Variants in TOP3B observed in about 807,000 individuals in gnomAD.
TOP3B encodes DNA topoisomerase 3-beta-1.
TOP3B carries 45 observed loss-of-function variants against 93.9 expected under a neutral mutation model. The ratio of observed to expected loss-of-function variants is 0.48; its 90% CI spans 0.38 to 0.61. TOP3B has a LOEUF of 0.61. TOP3B is among the 20% of genes least tolerant of loss of function. The probability of loss-of-function intolerance (pLI) is 0.00; values close to 1 mark genes in which losing one functional copy is unlikely to be tolerated. For synonymous variants in TOP3B, 357 were observed against 472.6 expected, an observed-to-expected ratio of 0.76 and a Z score of 3.17; for missense variants, 750 against 1,156.1, an observed-to-expected ratio of 0.65 and a Z score of 5.09.
chr22:21,968,598 G>A, intron 7 of TOP3B, 21 bp downstream of exon 7: 1 of 1,613,298 alleles, frequency 6.2e-7, no homozygotes, highest in Non-Finnish European at 8.5e-7. Context: ...GCCCCAGCAT[G>A]AATAGAGAAA....
At position 21,957,349 on chromosome 22, in the gene TOP3B, T is replaced by TTTG. The variant is rs1289234446; in HGVS notation, c.2353_2354insCAA (p.Asn784_Lys785insThr). 6.2e-7 allele frequency: 1 copy of TTTG among 1,610,772 alleles called. No homozygotes were observed. Among genetic ancestry groups the TTTG allele is most frequent in the East Asian group, 2.2e-5 (1 of 44,808 alleles). On this transcript the variant is annotated inframe_insertion, in exon 18 of 18. Transcript: ENST00000357179. ...ATCGCCCGGGAGTGGGGACTTGGCC[T>TTTG]TGTTGAAGTCCACATCAAGCAAGGC...
intron 6 of TOP3B, chr22:21,969,552 G>C (rs1261717699): frequency 6.6e-6 from 1 of 152,186 alleles, no homozygotes; most frequent in African/African-American, 2.4e-5. Context: ...AGTGAGCTGA[G>C]ATTGTGCCAC....
rs762475632 is a variant in TOP3B at position 21,962,820 on chromosome 22, G to A, written c.1278C>T (p.Tyr426=). The change falls in exon 12 of 18, where the codon TAC becomes TAT. Residue 426 remains tyrosine, a synonymous_variant. Transcript: ENST00000357179. ...TTCTGAAGGAGATGGTGCTCTGCAG[G>A]TACTTGCAGTCATGGCTGACCGTGG... The part of the protein sequence containing the change: ...FIATVSHDCK[Y]LQSTISFRIG... 2 of 1,614,030 alleles carry A rather than the reference G, an allele frequency of 1.2e-6. No homozygotes were observed. Among genetic ancestry groups the A allele is most frequent in the East Asian group, 4.5e-5 (2 of 44,886 alleles).
chr22:21,959,175 A>G lies in TOP3B; in HGVS notation c.1862T>C (p.Leu621Pro). Residue 621 changes from leucine (L) to proline (P), a missense_variant, in exon 16 of 18, where the codon CTC (leucine) becomes CCC (proline). By Grantham distance (98) the Leu-to-Pro change is moderately conservative (BLOSUM62 -3). Transcript: ENST00000357179. ...GCGGTGGCACTTCCCACAGCGTGAGAGGGGCTTGCCTGTGGCCGCCAGGGG... is the reference window on the plus strand; with the variant it reads ...GCGGTGGCACTTCCCACAGCGTGAGGGGGGCTTGCCTGTGGCCGCCAGGGG... ...FSPLAATGKP[L>P]SRCGKCHRFM... 1.2e-6 allele frequency: 2 copies of G among 1,613,796 alleles called. No individual in the cohort carries two copies. The highest frequency in any genetic ancestry group is 1.7e-6 in the Non-Finnish European group (2 of 1,179,980).
chr22:21,972,677 A>G lies in TOP3B; in HGVS notation c.244T>C (p.Phe82Leu), dbSNP rs1166050975. 6.8e-6 allele frequency: 11 copies of G among 1,613,514 alleles called. No homozygotes were observed. Among genetic ancestry groups the G allele is most frequent in the African/African-American group, 1.3e-5 (1 of 74,826 alleles). Reference protein sequence around the residue: ...KWDKVDPAELFSQAPTEKKEA... With the variant: ...KWDKVDPAELLSQAPTEKKEA... ...TTCTTCTCCGTGGGAGCTTGGCTGAACAGTTCTGCGGGGTCCACTTTGTCC... is the reference window on the plus strand; with the variant it reads ...TTCTTCTCCGTGGGAGCTTGGCTGAGCAGTTCTGCGGGGTCCACTTTGTCC... The change falls in exon 4 of 18, where the codon TTC becomes CTC. Residue 82 changes from phenylalanine to leucine, a missense_variant. Coordinates refer to ENST00000357179, the MANE Select transcript of TOP3B (RefSeq NM_001282112.2).
chr22:21,970,091 CCCTGTTGCTCATCCTGG>C lies in TOP3B; in HGVS notation c.581+102_581+118del. 8.8e-7 allele frequency: 1 copy of C among 1,140,398 alleles called. No individual in the cohort carries two copies. Among genetic ancestry groups the C allele is most frequent in the Non-Finnish European group, 1.2e-6 (1 of 809,178 alleles). The allele number at this position is 1,140,398 out of a possible 1,614,324, so 70.6% of individuals were successfully genotyped here. A position where few individuals can be genotyped will look rare whatever the true frequency, so the allele number is the denominator to read the frequency against. ...GGCCTTCTTCAGGGTTGGTGAAATCCCCTGTTGCTCATCCTGGCTCGAGGAGGCCTAGGGGCCCCGGA... is the reference window on the plus strand; with the variant it reads ...GGCCTTCTTCAGGGTTGGTGAAATCCCTCGAGGAGGCCTAGGGGCCCCGGA... On this transcript the variant is annotated intron_variant, in intron 6 of 17. Coordinates refer to ENST00000357179, the MANE Select transcript of TOP3B (RefSeq NM_001282112.2). The surrounding 1 kb of genome is among the most constrained non-coding windows in gnomAD (Gnocchi z 4.4).
intron 17 of TOP3B, chr22:21,958,186 G>A (rs369658668): frequency 7.8e-7 from 1 of 1,286,588 alleles, no homozygotes; most frequent in South Asian, 1.5e-5. Context: ...CGCTCACCGG[G>A]TGGGTCCCCC....
chr22:21,958,393 G>A (rs763390947), intron 17 of TOP3B, 99 bp downstream of exon 17: 4 of 1,586,898 alleles, frequency 2.5e-6, no homozygotes, highest in Non-Finnish European at 3.4e-6. Context: ...AAAGGCCAGG[G>A]TGAGGGGTCC....
intron 1 of TOP3B, chr22:21,976,417 A>C (rs1418262791): frequency 6.6e-6 from 1 of 152,288 alleles, no homozygotes; most frequent in Non-Finnish European, 1.5e-5. Flanking sequence ...TTTGCAGGTC[A>C]TGCTCTGGCC....
chr22:21,958,465 T>C, intron 17 of TOP3B, 27 bp downstream of exon 17: 1 of 1,613,546 alleles, frequency 6.2e-7, no homozygotes, highest in South Asian at 1.1e-5. Flanking sequence ...CAGCTACCTG[T>C]GGACAGGAGG....
At chr22:21,980,625 G>A (rs1255497449) in intron 1 of TOP3B, among the ~76,000 whole-genome samples, 11 of 152,212 alleles carry the variant, frequency 7.2e-5, no homozygotes. Flanking sequence ...TGAAAGAGCC[G>A]AGGCCTTGTG....
chr22:21,972,870 C>G (rs2071700348), intron 3 of TOP3B, 152 bp from the exon 4 acceptor site: 2 of 646,528 alleles, frequency 3.1e-6, no homozygotes, highest in East Asian at 3.5e-5. Context: ...AGAGGCAGAG[C>G]CAGGATGTGG....
At chr22:21,972,749 C>T in intron 3 of TOP3B, 31 bp from the exon 4 acceptor site, 1 of 1,569,756 alleles carries the variant, frequency 6.4e-7, no homozygotes, top group Non-Finnish European at 8.8e-7. Context: ...CATTGAGTCA[C>T]AGGAGCTCAG....
rs1168407265 is a variant in TOP3B, at chr22:21,971,123, G to A, written c.385-717C>T. On this transcript the variant is annotated intron_variant, in intron 5 of 17. Transcript: ENST00000357179. This position sits in a 1 kb window ranked among gnomAD's most constrained non-coding sequence, Gnocchi z 4.6. Reference sequence around the variant, plus strand: ...CCATTCCCAGATGCAAAGGCCCCCAGGGAGGAGCCGCCCTGCAGGGGAGGA... The same window carrying A: ...CCATTCCCAGATGCAAAGGCCCCCAAGGAGGAGCCGCCCTGCAGGGGAGGA... 2 of 1,165,178 alleles carry A rather than the reference G, an allele frequency of 1.7e-6. No individual in the cohort carries two copies. The highest frequency in any genetic ancestry group is 3.2e-5 in the African/African-American group (2 of 62,618). 72.2% of individuals were successfully genotyped at this position (1,165,178 alleles called of 1,614,324 possible).
In TOP3B at chr22:21,967,640, A is replaced by G; in HGVS notation, c.815T>C (p.Met272Thr). The change falls in exon 8 of 18, where the codon ATG becomes ACG. Residue 272 changes from methionine (M) to threonine (T), a missense_variant. By Grantham distance (81) the Met-to-Thr change is moderately conservative. Around this residue, in one of 4 missense-constraint regions of TOP3B, gnomAD observed 737 missense variants for 933.7 expected, o/e 0.79. Coordinates refer to ENST00000357179, the MANE Select transcript of TOP3B (RefSeq NM_001282112.2). ...VRVFDREIAQ[M>T]FLNMTKLEKE... ...CTCCAGCTTTGTCATGTTTAAAAAC[A>G]TCTGTGCGATCTCCCGGTCAAACAC... 6.2e-7 allele frequency: 1 copy of G among 1,614,162 alleles called. No individual in the cohort carries two copies. Among genetic ancestry groups the G allele is most frequent in the Non-Finnish European group, 8.5e-7 (1 of 1,180,010 alleles).
At chr22:21,978,193 G>A (rs547018704) in intron 1 of TOP3B, among the ~76,000 whole-genome samples, 4 of 152,118 alleles carry the variant, frequency 2.6e-5, no homozygotes, top group African/African-American at 9.6e-5. Context: ...AGTGGTGGAG[G>A]ATGCGAGGGA....
chr22:21,970,029 CA>C lies in TOP3B; in HGVS notation c.581+180del. On this transcript the variant is annotated intron_variant, in intron 6 of 17. Transcript: ENST00000357179. The surrounding 1 kb of genome is among the most constrained non-coding windows in gnomAD (Gnocchi z 4.4). ...AAGCAATCCTCCTATCCTGGTCTCC[CA>C]AAGTGCAGGGATTACAGGTGTTAGC... The C allele has an allele frequency of 1.6e-6, 1 of 633,976 alleles. No homozygotes were observed. The highest frequency in any genetic ancestry group is 2.6e-6 in the Non-Finnish European group (1 of 377,616). The allele number at this position is 633,976 out of a possible 1,614,324, so 39.3% of individuals were successfully genotyped here. A position where few individuals can be genotyped will look rare whatever the true frequency, so the allele number is the denominator to read the frequency against.
At chr22:21,962,921 G>A (rs755238939) in intron 11 of TOP3B, 28 bp from the exon 12 acceptor site, 8 of 1,604,978 alleles carry the variant, frequency 5.0e-6, no homozygotes, top group Non-Finnish European at 6.0e-6. Flanking sequence ...TAGTCAGTTG[G>A]GAGCCAGCTG....
In TOP3B at chr22:21,971,475, G is replaced by T; in HGVS notation, c.384+402C>A. 3.0e-6 allele frequency: 1 copy of T among 336,594 alleles called. No homozygotes were observed. Among genetic ancestry groups the T allele is most frequent in the South Asian group, 2.3e-5 (1 of 43,326 alleles). 20.9% of individuals were successfully genotyped at this position (336,594 alleles called of 1,614,324 possible). A position where few individuals can be genotyped will look rare whatever the true frequency, so the allele number is the denominator to read the frequency against. On this transcript the variant is annotated intron_variant, in intron 5 of 17. Coordinates refer to ENST00000357179, the MANE Select transcript of TOP3B (RefSeq NM_001282112.2). This position sits in a 1 kb window ranked among gnomAD's most constrained non-coding sequence, Gnocchi z 4.6. ...CTGGATGAGGCAGGAGATGAGCAGA[G>T]CGAGGCCTGCAAAAGGAGCTCAGTG... is the stretch of plus-strand genomic sequence containing the variant.
Sources: allele counts gnomAD v4.1 joint callset (sites outside exome capture counted in the v4.1 genomes callset), GRCh38; gene constraint gnomAD v4.1.1; regional missense constraint gnomAD v4.1.1; non-coding constraint Gnocchi (gnomAD v3.1); transcripts MANE v1.5; gene names NCBI Gene and HGNC (gene_info 2026-07-23, HGNC 2026-07-21).